Variants in ERG observed in about 807,000 individuals in gnomAD.
ERG encodes ETS transcription factor ERG.
Under a neutral mutation model 55.3 loss-of-function variants are expected in ERG, and 9 were observed. The ratio of observed to expected loss-of-function variants is 0.16; its 90% CI spans 0.10 to 0.28. The LOEUF is 0.28. Ranked by LOEUF, ERG falls within the 10% of genes least tolerant of loss-of-function variation. ERG has a pLI of 1.00. For missense variants in ERG, 434 were observed against 631.6 expected (o/e 0.69, Z 3.35); for synonymous variants, 223 against 237.3 (o/e 0.94, Z 0.55).
In ERG at chr21:38,383,022, T is replaced by C. The variant is rs1987518518; in HGVS notation, c.*381A>G. 2.8e-6 allele frequency: 3 copies of C among 1,080,162 alleles called. No individual in the cohort carries two copies. In the African/African-American group the frequency reaches 4.9e-5, roughly 18 times the overall value. The allele number at this position is 1,080,162 out of a possible 1,614,324, so 66.9% of individuals were successfully genotyped here. On this transcript the variant is annotated 3_prime_UTR_variant, in exon 10 of 10. Coordinates refer to ENST00000288319, the MANE Select transcript of ERG (RefSeq NM_182918.4). The surrounding 1 kb of genome is among the most constrained non-coding windows in gnomAD (Gnocchi z 5.7). ...ACGGTATGTTAGGTCAAAACTGTGTTGTTTCTATTGCTTTAGTTTCATCCC... is the reference window on the plus strand; with the variant it reads ...ACGGTATGTTAGGTCAAAACTGTGTCGTTTCTATTGCTTTAGTTTCATCCC...
intron 1 of ERG, among the ~76,000 whole-genome samples, chr21:38,487,288 G>A (rs1381035506): frequency 6.6e-6 from 1 of 152,068 alleles, no homozygotes; most frequent in African/African-American, 2.4e-5. Context: ...AAAGACCCTT[G>A]ATGGTGTAAC....
chr21:38,558,249 G>C (rs754706382), intron 2 of ERG, among the ~76,000 whole-genome samples: 8 of 152,160 alleles, frequency 5.3e-5, no homozygotes, highest in Admixed American at 4.6e-4. Flanking sequence ...CATGGAGAAA[G>C]GGGACCAACC....
At chr21:38,615,119 A>G (rs2836571) in intron 1 of ERG, among the ~76,000 whole-genome samples, 12,663 of 152,256 alleles carry the variant, frequency 0.083, 1,084 homozygotes, top group African/African-American at 0.23. Flanking sequence ...TCTTAGAGAC[A>G]CTATTATTCA....
intron 1 of ERG, among the ~76,000 whole-genome samples, chr21:38,603,775 C>G (rs915811964): frequency 6.6e-6 from 1 of 152,030 alleles, no homozygotes; most frequent in Non-Finnish European, 1.5e-5. Context: ...GAACAGTACT[C>G]TTAGGCGAAA....
At chr21:38,586,883 T>C (rs1442826230), upstream of ERG, among the ~76,000 whole-genome samples, 2 of 152,190 alleles carry the variant, frequency 1.3e-5, no homozygotes, top group Admixed American at 1.3e-4. Context: ...AGGTATGGCA[T>C]CAACCTAAGT....
At chr21:38,373,922 C>G in the ERG span, among the ~76,000 whole-genome samples, 1 of 151,888 alleles carries the variant, frequency 6.6e-6, no homozygotes, top group Admixed American at 6.6e-5. Flanking sequence ...TTATTGTCAC[C>G]TTTCTATTAT....
At chr21:38,371,992 A>G in the ERG span, among the ~76,000 whole-genome samples, 1 of 152,010 alleles carries the variant, frequency 6.6e-6, no homozygotes, top group Non-Finnish European at 1.5e-5. Flanking sequence ...TTTGTGGGAA[A>G]AGCTATGACT....
At chr21:38,564,665 T>C (rs1236902220) in intron 2 of ERG, among the ~76,000 whole-genome samples, 3 of 152,058 alleles carry the variant, frequency 2.0e-5, no homozygotes, top group African/African-American at 7.3e-5. Context: ...CACAATGATG[T>C]CCAGGTGGCC....
chr21:38,620,593 C>G (rs2060284658), intron 1 of ERG, among the ~76,000 whole-genome samples: 1 of 152,166 alleles, frequency 6.6e-6, no homozygotes, highest in Non-Finnish European at 1.5e-5. Flanking sequence ...AAAATATCCC[C>G]ATCACCAAGA....
intron 2 of ERG, among the ~76,000 whole-genome samples, chr21:38,435,112 G>C (rs1990388193): frequency 6.6e-6 from 1 of 152,292 alleles, no homozygotes; most frequent in African/African-American, 2.4e-5. Context: ...GGTCAGTTCT[G>C]CGAGAGAACC....
upstream of ERG, among the ~76,000 whole-genome samples, chr21:38,586,939 A>C (rs2060069264): frequency 6.6e-6 from 1 of 152,338 alleles, no homozygotes; most frequent in East Asian, 1.9e-4. Context: ...GCACATACAC[A>C]ATGGAACACT....
At position 38,445,510 on chromosome 21, in the gene ERG, T is replaced by A; in HGVS notation, c.130A>T (p.Thr44Ser). The A allele has an allele frequency of 6.2e-7, 1 of 1,614,110 alleles. No homozygotes were observed. Among genetic ancestry groups the A allele is most frequent in the African/African-American group, 1.3e-5 (1 of 75,040 alleles). Residue 44 changes from threonine to serine, a missense_variant, in exon 2 of 10, where the codon ACT (threonine) becomes TCT (serine). By Grantham distance (58) the Thr-to-Ser change is moderately conservative. Coordinates refer to ENST00000288319, the MANE Select transcript of ERG (RefSeq NM_182918.4). ...GGGACGCGTGGGCTCATCTTGGAAGTCTGTCCATAGTCGCTGGAGGAGGAC... is the reference window on the plus strand; with the variant it reads ...GGGACGCGTGGGCTCATCTTGGAAGACTGTCCATAGTCGCTGGAGGAGGAC... ...TASSSSDYGQ[T>S]SKMSPRVPQQ...
chr21:38,531,282 T>C (rs943651297), intron 2 of ERG, among the ~76,000 whole-genome samples: 3 of 152,218 alleles, frequency 2.0e-5, no homozygotes, highest in African/African-American at 7.2e-5. Flanking sequence ...AAGTAATCTG[T>C]AAGATGCTTC....
intron 1 of ERG, among the ~76,000 whole-genome samples, chr21:38,472,742 G>A (rs984972642): frequency 5.3e-5 from 8 of 152,188 alleles, no homozygotes; most frequent in South Asian, 2.1e-4. Flanking sequence ...GGGAAGAAAC[G>A]TGTCTCAGCT....
chr21:38,493,244 A>G, intron 1 of ERG, among the ~76,000 whole-genome samples: 1 of 152,372 alleles, frequency 6.6e-6, no homozygotes, highest in Non-Finnish European at 1.5e-5. Flanking sequence ...GCATCACTTT[A>G]TACACTAGGA....
At chr21:38,554,275 T>C (rs1434142714) in intron 2 of ERG, among the ~76,000 whole-genome samples, 1 of 152,200 alleles carries the variant, frequency 6.6e-6, no homozygotes, top group East Asian at 1.9e-4. Context: ...AGTTTGGAGA[T>C]TTCCCAAAGA....
intron 1 of ERG, among the ~76,000 whole-genome samples, chr21:38,457,196 G>A (rs980483968): frequency 6.6e-6 from 1 of 152,182 alleles, no homozygotes; most frequent in African/African-American, 2.4e-5. Context: ...CAGCACTTTG[G>A]GAGGTGGAGG....
At chr21:38,558,614 T>C (rs1278797342) in intron 2 of ERG, among the ~76,000 whole-genome samples, 9 of 152,216 alleles carry the variant, frequency 5.9e-5, no homozygotes, top group Non-Finnish European at 8.8e-5. Flanking sequence ...GGCTTAATGT[T>C]GCCACAACAT....
chr21:38,449,485 G>A (rs1056465825), intron 1 of ERG, among the ~76,000 whole-genome samples: 3 of 152,180 alleles, frequency 2.0e-5, no homozygotes, highest in Admixed American at 2.0e-4. Context: ...TGGGATAACA[G>A]TTCCAGAAAT....
Sources: allele counts gnomAD v4.1 joint callset (sites outside exome capture counted in the v4.1 genomes callset), GRCh38; gene constraint gnomAD v4.1.1; non-coding constraint Gnocchi (gnomAD v3.1); transcripts MANE v1.5; gene names NCBI Gene and HGNC (gene_info 2026-07-23, HGNC 2026-07-21).